XKR6: variants seen among roughly 807,000 people sequenced by gnomAD.
XKR6 encodes XK related 6, also known as XK-related protein 6.
XKR6 carries 22 observed loss-of-function variants against 56.7 expected under a neutral mutation model. The observed-to-expected ratio is 0.39, with a 90% confidence interval of 0.28 to 0.55. The LOEUF (loss-of-function observed/expected upper bound fraction) is 0.55. Ranked by LOEUF, XKR6 falls within the 20% of genes least tolerant of loss-of-function variation. XKR6 has a pLI of 0.66. For missense variants in XKR6, 852 were observed against 889.0 expected (o/e 0.96, Z 0.53); for synonymous variants, 524 against 387.8 (o/e 1.35, Z -4.13).
intron 1 of XKR6, among the ~76,000 whole-genome samples, chr8:11,157,185 A>G (rs953848725): frequency 3.3e-5 from 5 of 152,220 alleles, no homozygotes; most frequent in Non-Finnish European, 7.3e-5. Context: ...AAAAGCAAGG[A>G]AAGACCAAGA....
rs779666581 is a variant in XKR6 at position 10,898,406 on chromosome 8, A to T, written c.1472T>A (p.Met491Lys). ...FISFVAGIAM[M>K]LLYYGVLHPT... ...ATGCAGCACGCCATAGTATAAGAGC[A>T]TCATTGCGATCCCAGCCACAAAGCT... The change falls in exon 3 of 3, where the codon ATG becomes AAG. Residue 491 changes from methionine (M) to lysine (K), a missense_variant. Around this residue, in one of 4 missense-constraint regions of XKR6, gnomAD observed 197 missense variants for 190.9 expected, o/e 1.03. Coordinates refer to ENST00000416569, the MANE Select transcript of XKR6 (RefSeq NM_173683.4). The surrounding 1 kb of genome is among the most constrained non-coding windows in gnomAD (Gnocchi z 6.6). The T allele has an allele frequency of 1.9e-6, 3 of 1,614,118 alleles. No homozygotes were observed. The Admixed American group carries it at 5.0e-5, about 27-fold the overall frequency.
chr8:11,110,988 C>T (rs1798865106), intron 1 of XKR6, among the ~76,000 whole-genome samples: 1 of 151,522 alleles, frequency 6.6e-6, no homozygotes, highest in African/African-American at 2.4e-5. Flanking sequence ...AGGCGCCTGC[C>T]ACCACGCCTG....
chr8:11,194,256 G>C (rs751908292), intron 1 of XKR6, among the ~76,000 whole-genome samples: 15 of 152,312 alleles, frequency 9.8e-5, no homozygotes, highest in Admixed American at 3.9e-4. Context: ...TTAACTGCTT[G>C]TTTGATAAAT....
intron 1 of XKR6, among the ~76,000 whole-genome samples, chr8:10,939,939 G>A (rs1801339944): frequency 6.6e-6 from 1 of 152,232 alleles, no homozygotes; most frequent in Non-Finnish European, 1.5e-5. Context: ...CCCTCCCCCA[G>A]GTGTGTCCCC....
chr8:11,077,252 G>A (rs1229130272), intron 1 of XKR6, among the ~76,000 whole-genome samples: 1 of 152,156 alleles, frequency 6.6e-6, no homozygotes, highest in African/African-American at 2.4e-5. Context: ...TGGCTTTGGG[G>A]TCCAAAGCCT....
At chr8:11,057,778 G>A (rs997524312) in intron 1 of XKR6, among the ~76,000 whole-genome samples, 3 of 152,140 alleles carry the variant, frequency 2.0e-5, no homozygotes, top group Non-Finnish European at 4.4e-5. Flanking sequence ...TCCTTCAGTG[G>A]GGCCTTGGGC....
intron 1 of XKR6, among the ~76,000 whole-genome samples, chr8:10,961,908 A>G (rs1040957504): frequency 2.0e-5 from 3 of 152,192 alleles, no homozygotes; most frequent in Non-Finnish European, 4.4e-5. Flanking sequence ...TCATTGTTTC[A>G]TTGACAATAA....
chr8:11,121,882 G>A (rs1025555369), intron 1 of XKR6, among the ~76,000 whole-genome samples: 3 of 152,218 alleles, frequency 2.0e-5, no homozygotes, highest in Non-Finnish European at 4.4e-5. Context: ...CATGTCCTTT[G>A]TAGGGACGTG....
At chr8:11,141,803 C>T (rs1800713212) in intron 1 of XKR6, among the ~76,000 whole-genome samples, 1 of 152,124 alleles carries the variant, frequency 6.6e-6, no homozygotes, top group African/African-American at 2.4e-5. Context: ...GGAAAAGGTC[C>T]TGGAGCATAA....
chr8:11,182,542 C>T (rs1803045932), intron 1 of XKR6, among the ~76,000 whole-genome samples: 2 of 152,198 alleles, frequency 1.3e-5, no homozygotes, highest in East Asian at 3.9e-4. Context: ...ATCTTGAAGT[C>T]AGATGGGTCA....
intron 1 of XKR6, among the ~76,000 whole-genome samples, chr8:11,021,362 C>A (rs1412503328): frequency 6.6e-6 from 1 of 152,232 alleles, no homozygotes; most frequent in Non-Finnish European, 1.5e-5. Context: ...GAGTTTCTAG[C>A]TGCTGCTGGA....
intron 1 of XKR6, among the ~76,000 whole-genome samples, chr8:10,981,687 T>G (rs1458163581): frequency 1.3e-5 from 2 of 152,212 alleles, no homozygotes; most frequent in African/African-American, 2.4e-5. Flanking sequence ...CCAGGTAGTG[T>G]CATTGCCCAG....
chr8:11,186,352 T>C (rs565751244), intron 1 of XKR6, among the ~76,000 whole-genome samples: 3 of 152,174 alleles, frequency 2.0e-5, no homozygotes, highest in East Asian at 1.9e-4. Flanking sequence ...GGCATGTGAG[T>C]GGAAGTGATG....
rs528628983 is a variant in XKR6, at chr8:11,173,366, TAC to T, written c.764+27208_764+27209del. Among the ~76,000 whole-genome samples, 22 of 143,962 alleles carry T rather than the reference TAC, an allele frequency of 1.5e-4. 1 individual carries two copies. Among genetic ancestry groups the T allele is most frequent in the East Asian group, 2.0e-4 (1 of 4,998 alleles). The allele number at this position is 143,962 out of a possible 152,430, so 94.4% of individuals were successfully genotyped here. On this transcript the variant is annotated intron_variant, in intron 1 of 2. Coordinates refer to ENST00000416569, the MANE Select transcript of XKR6 (RefSeq NM_173683.4). ...CTTAAAAAAAATATATATATATATA[TAC>T]ACACACACACACACACACAAATATA...
chr8:11,158,919 G>A (rs1563182624), intron 1 of XKR6, among the ~76,000 whole-genome samples: 1 of 152,164 alleles, frequency 6.6e-6, no homozygotes, highest in South Asian at 2.1e-4. Context: ...GAACCTCTCA[G>A]TCTTACCCTT....
rs148248752 is a variant in XKR6 at position 11,169,494 on chromosome 8, C to A, written c.764+31082G>T. Among the ~76,000 whole-genome samples the A allele has an allele frequency of 4.6e-3, 699 of 152,258 alleles. 15 individuals are homozygous for A. Among genetic ancestry groups the A allele is most frequent in the Non-Finnish European group, 6.9e-4 (47 of 68,014 alleles). On this transcript the variant is annotated intron_variant, in intron 1 of 2. Coordinates refer to ENST00000416569, the MANE Select transcript of XKR6 (RefSeq NM_173683.4). The stretch of plus-strand genomic sequence containing the variant: ...ACTCTGATATATGTTAGACCATGGA[C>A]ACCTTGAAAACATTATGCTAAGTTA...
intron 1 of XKR6, among the ~76,000 whole-genome samples, chr8:10,946,523 C>G (rs867491323): frequency 8.6e-5 from 13 of 151,966 alleles, no homozygotes; most frequent in Non-Finnish European, 1.3e-4. Context: ...TTCATCCACC[C>G]CTCCCACCCC....
rs546364644 is a variant in XKR6 at position 11,050,647 on chromosome 8, C to G, written c.765-125817G>C. Among the ~76,000 whole-genome samples, 4 of 151,710 alleles carry G rather than the reference C, an allele frequency of 2.6e-5. No homozygotes were observed. The South Asian group carries it at 8.4e-4, about 32-fold the overall frequency. ...CTATGAAGAAAGAGAAAAGAAACTA[C>G]TGGGCAGGAAAAGAACACTTGTGGA... is the stretch of plus-strand genomic sequence containing the variant. On this transcript the variant is annotated intron_variant, in intron 1 of 2. Coordinates refer to ENST00000416569, the MANE Select transcript of XKR6 (RefSeq NM_173683.4).
intron 1 of XKR6, among the ~76,000 whole-genome samples, chr8:11,048,428 T>C (rs1171475811): frequency 2.0e-5 from 3 of 152,154 alleles, no homozygotes; most frequent in Non-Finnish European, 4.4e-5. Context: ...GCTCCTTTGA[T>C]GAAATGGTTT....
Sources: gnomAD v4.1 joint callset for allele counts (sites outside exome capture counted in the v4.1 genomes callset) on GRCh38, gnomAD v4.1.1 for gene constraint, gnomAD v4.1.1 regional missense constraint, Gnocchi (gnomAD v3.1) non-coding constraint, MANE v1.5 for transcripts, NCBI Gene and HGNC (gene_info 2026-07-23, HGNC 2026-07-21) for gene names.